WWOX: variants seen among roughly 807,000 people sequenced by gnomAD.
The protein encoded by WWOX is WW domain-containing oxidoreductase.
WWOX carries 69 observed loss-of-function variants against 46.2 expected under a neutral mutation model. The ratio of observed to expected loss-of-function variants is 1.49; its 90% CI spans 1.23 to 1.82. The LOEUF (loss-of-function observed/expected upper bound fraction) is 1.82, where lower values mean the gene tolerates loss of function less well. WWOX is among the 40% of genes most tolerant of loss of function. The pLI, the probability that WWOX is intolerant of heterozygous loss-of-function variation, is 0.00. For synonymous variants in WWOX, 359 were observed against 202.6 expected, an observed-to-expected ratio of 1.77 and a Z score of -6.56; for missense variants, 919 against 542.6, an observed-to-expected ratio of 1.69 and a Z score of -6.89.
chr16:78,964,992 G>A (rs1043707501), intron 8 of WWOX, among the ~76,000 whole-genome samples: 19 of 152,140 alleles, frequency 1.2e-4, no homozygotes, highest in Non-Finnish European at 2.2e-4. Context: ...GGGAACCTCT[G>A]CCTAGTTTTC....
intron 8 of WWOX, among the ~76,000 whole-genome samples, chr16:78,918,450 T>G (rs990799783): frequency 2.0e-5 from 3 of 152,112 alleles, no homozygotes; most frequent in African/African-American, 7.2e-5. Flanking sequence ...AGGGCTGGAC[T>G]GTCACTTGGT....
rs913731112 is a variant in WWOX, at chr16:78,152,361, C to T, written c.410-11822C>T. The stretch of plus-strand genomic sequence containing the variant: ...GATTGCAGTCTGTCGTAGATAATGC[C>T]GTACTGAATATTCCTCCCACATATT... On this transcript the variant is annotated intron_variant, in intron 4 of 8. Transcript: ENST00000566780. Among the ~76,000 whole-genome samples, 3 of 150,328 alleles carry T rather than the reference C, an allele frequency of 2.0e-5. No homozygotes were observed. In the South Asian group the frequency reaches 6.3e-4, roughly 31 times the overall value.
At chr16:78,128,230 C>T (rs1000215302) in intron 4 of WWOX, among the ~76,000 whole-genome samples, 1 of 151,870 alleles carries the variant, frequency 6.6e-6, no homozygotes, top group African/African-American at 2.4e-5. Context: ...GAGGTTTCTG[C>T]AAATATCTTC....
rs77641249 is a variant in WWOX at position 78,244,517 on chromosome 16, C to G, written c.516+80228C>G. ...ACCATGGTCTTGCCACATTGCATCT[C>G]CCCAAGATTTTTATGGTTCTATTTT... is the stretch of plus-strand genomic sequence containing the variant. On this transcript the variant is annotated intron_variant, in intron 5 of 8. Transcript: ENST00000566780. Among the ~76,000 whole-genome samples the G allele has an allele frequency of 1.2e-4, 18 of 152,260 alleles. No individual in the cohort carries two copies. The East Asian group carries it at 3.5e-3, about 29-fold the overall frequency.
intron 8 of WWOX, among the ~76,000 whole-genome samples, chr16:78,751,221 A>T (rs796327242): frequency 1.2e-4 from 19 of 152,140 alleles, no homozygotes; most frequent in African/African-American, 4.6e-4. Context: ...TTCGAACTAC[A>T]TATCAGAAAT....
chr16:78,905,170 C>T (rs776184797), intron 8 of WWOX, among the ~76,000 whole-genome samples: 11 of 152,146 alleles, frequency 7.2e-5, no homozygotes, highest in African/African-American at 2.4e-4. Flanking sequence ...TACCCCTGGA[C>T]ACCAAGCTGC....
intron 5 of WWOX, among the ~76,000 whole-genome samples, chr16:78,385,348 A>G (rs146343224): frequency 4.1e-4 from 63 of 152,324 alleles, no homozygotes; most frequent in African/African-American, 1.4e-3. Context: ...AGAGTTTTAC[A>G]CAAGAAACAT....
chr16:78,483,067 C>G (rs1466301969), intron 8 of WWOX, among the ~76,000 whole-genome samples: 1 of 152,128 alleles, frequency 6.6e-6, no homozygotes, highest in Non-Finnish European at 1.5e-5. Flanking sequence ...TTCAACCTAC[C>G]TTTTGTTGGC....
intron 5 of WWOX, among the ~76,000 whole-genome samples, chr16:78,350,915 G>A (rs1199914534): frequency 1.6e-5 from 1 of 61,194 alleles, no homozygotes; most frequent in Non-Finnish European, 4.9e-5. Context: ...ATTCTAACCA[G>A]CAGTGTAGGA....
intron 8 of WWOX, among the ~76,000 whole-genome samples, chr16:78,848,324 C>T (rs1201190050): frequency 1.3e-5 from 2 of 152,102 alleles, no homozygotes; most frequent in African/African-American, 2.4e-5. Context: ...GTCATATTTG[C>T]CCCCACAGAC....
rs540543367 is a variant in WWOX at position 79,208,785 on chromosome 16, T to C, written c.1057-2823T>C. On this transcript the variant is annotated intron_variant, in intron 8 of 8. Transcript: ENST00000566780. Reference sequence around the variant, plus strand: ...AAAATGAGAACCTGTTACTAAACTGTCATCACATCTGATCATATTAAGATG... The same window carrying C: ...AAAATGAGAACCTGTTACTAAACTGCCATCACATCTGATCATATTAAGATG... 3.3e-5 allele frequency among the ~76,000 whole-genome samples: 5 copies of C among 152,334 alleles called. No individual in the cohort carries two copies. The South Asian group carries it at 8.3e-4, about 25-fold the overall frequency.
chr16:78,147,806 T>C (rs1597267454), intron 4 of WWOX, among the ~76,000 whole-genome samples: 1 of 26,632 alleles, frequency 3.8e-5, no homozygotes, highest in Admixed American at 3.2e-4. Flanking sequence ...ATGAAGGTCT[T>C]TTTTTTTTTT....
intron 8 of WWOX, among the ~76,000 whole-genome samples, chr16:78,717,396 T>C (rs922821259): frequency 6.6e-6 from 1 of 152,210 alleles, no homozygotes; most frequent in African/African-American, 2.4e-5. Flanking sequence ...TATATATTCA[T>C]TGACTTATAG....
intron 6 of WWOX, among the ~76,000 whole-genome samples, chr16:78,390,945 G>T (rs762135157): frequency 8.5e-5 from 13 of 152,222 alleles, no homozygotes; most frequent in African/African-American, 2.7e-4. Flanking sequence ...GATCAAGCCA[G>T]AGTATTATCA....
chr16:78,432,574 A>T lies in WWOX; in HGVS notation c.878A>T (p.Tyr293Phe), dbSNP rs376488280. Residue 293 changes from tyrosine to phenylalanine, a missense_variant, in exon 8 of 9, where the codon TAT (tyrosine) becomes TTT (phenylalanine). Tyr to Phe is a conservative substitution (Grantham distance 22). Transcript: ENST00000566780. ...AACGACTATTGGGCGATGCTGGCTT[A>T]TAACAGGTCCAAGCTCTGCAACATC... ...TKNDYWAMLAYNRSKLCNILF... is the reference protein window; with the variant it reads ...TKNDYWAMLAFNRSKLCNILF... The T allele has an allele frequency of 1.2e-6, 2 of 1,614,184 alleles. No individual in the cohort carries two copies. Among genetic ancestry groups the T allele is most frequent in the South Asian group, 1.1e-5 (1 of 91,082 alleles).
rs577710367 is a variant in WWOX at position 78,497,825 on chromosome 16, A to G, written c.1056+65073A>G. On this transcript the variant is annotated intron_variant, in intron 8 of 8. Transcript: ENST00000566780. ...TGTTTTATCATAAATAAATCAATAA[A>G]TGGTAGATTATACACCGGAGTTACT... 2.0e-5 allele frequency among the ~76,000 whole-genome samples: 3 copies of G among 150,782 alleles called. No individual in the cohort carries two copies. In the East Asian group the frequency reaches 5.9e-4, roughly 30 times the overall value.
At chr16:78,379,898 C>T (rs990418176) in intron 5 of WWOX, among the ~76,000 whole-genome samples, 2 of 152,192 alleles carry the variant, frequency 1.3e-5, no homozygotes, top group African/African-American at 4.8e-5. Context: ...ATAATGTAGG[C>T]ATGAGACGTT....
intron 8 of WWOX, among the ~76,000 whole-genome samples, chr16:78,457,632 G>T (rs1052160467): frequency 2.0e-5 from 3 of 152,066 alleles, no homozygotes; most frequent in African/African-American, 7.2e-5. Context: ...AACATGAACT[G>T]GCCATGTACG....
At chr16:78,613,820 C>T (rs550954190) in intron 8 of WWOX, among the ~76,000 whole-genome samples, 6 of 152,286 alleles carry the variant, frequency 3.9e-5, no homozygotes, top group African/African-American at 1.4e-4. Flanking sequence ...CAGAAGTTTT[C>T]AAATTTTAAG....
Sources: allele counts gnomAD v4.1 joint callset (sites outside exome capture counted in the v4.1 genomes callset), GRCh38; gene constraint gnomAD v4.1.1; transcripts MANE v1.5; gene names NCBI Gene and HGNC (gene_info 2026-07-23, HGNC 2026-07-21).